RANBP9: variants seen among roughly 807,000 people sequenced by gnomAD.
RANBP9 encodes RAN binding protein 9.
In RANBP9, 15 loss-of-function variants were observed where a neutral mutation model predicts 84.3. The ratio of observed to expected loss-of-function variants is 0.18; its 90% CI spans 0.12 to 0.27. The LOEUF is 0.27. RANBP9 is among the 10% of genes least tolerant of loss of function. The pLI, the probability that RANBP9 is intolerant of heterozygous loss-of-function variation, is 1.00. For synonymous variants in RANBP9, 392 were observed against 349.6 expected (o/e 1.12, Z -1.35); for missense variants, 809 against 912.8 (o/e 0.89, Z 1.46).
At chr6:13,662,565 T>A (rs1765557471) in intron 2 of RANBP9, among the ~76,000 whole-genome samples, 1 of 152,088 alleles carries the variant, frequency 6.6e-6, no homozygotes, top group South Asian at 2.1e-4. Flanking sequence ...AGGAATGGGA[T>A]TTTTGCCCTA....
At chr6:13,685,722 G>C (rs1306674425) in intron 2 of RANBP9, among the ~76,000 whole-genome samples, 2 of 152,148 alleles carry the variant, frequency 1.3e-5, no homozygotes, top group Non-Finnish European at 2.9e-5. Flanking sequence ...GAGGTCAAGA[G>C]ATCGAGACCA....
At chr6:13,666,846 C>G (rs886869735) in intron 2 of RANBP9, among the ~76,000 whole-genome samples, 3 of 151,890 alleles carry the variant, frequency 2.0e-5, no homozygotes, top group Non-Finnish European at 4.4e-5. Flanking sequence ...AAGTTTATGC[C>G]TGGGAAATGG....
intron 2 of RANBP9, among the ~76,000 whole-genome samples, chr6:13,666,241 G>C (rs759236261): frequency 7.2e-5 from 11 of 151,974 alleles, no homozygotes; most frequent in Non-Finnish European, 1.5e-4. Context: ...CAAAGACTAA[G>C]ACGGATCAAC....
At chr6:13,661,737 C>T (rs1765542372) in intron 2 of RANBP9, among the ~76,000 whole-genome samples, 1 of 152,020 alleles carries the variant, frequency 6.6e-6, no homozygotes, top group African/African-American at 2.4e-5. Context: ...ACTGAAAATA[C>T]ACACTACATA....
chr6:13,688,850 T>C (rs1031371080), intron 2 of RANBP9, among the ~76,000 whole-genome samples: 1 of 151,570 alleles, frequency 6.6e-6, no homozygotes, highest in Non-Finnish European at 1.5e-5. Flanking sequence ...ATATCTTCCC[T>C]ACTCAAAAAG....
chr6:13,640,601 C>T (rs1301633634), intron 8 of RANBP9, among the ~76,000 whole-genome samples: 2 of 152,156 alleles, frequency 1.3e-5, no homozygotes, highest in Non-Finnish European at 2.9e-5. Context: ...AATTCTGATA[C>T]ATACTACAAT....
intron 1 of RANBP9, among the ~76,000 whole-genome samples, chr6:13,699,195 T>A (rs1285176666): frequency 1.3e-5 from 2 of 152,210 alleles, no homozygotes; most frequent in African/African-American, 4.8e-5. Flanking sequence ...CATGCATGAA[T>A]TAAAATCCCA....
At chr6:13,681,019 T>A (rs928350293) in intron 2 of RANBP9, among the ~76,000 whole-genome samples, 1 of 152,078 alleles carries the variant, frequency 6.6e-6, no homozygotes, top group African/African-American at 2.4e-5. Flanking sequence ...AAGATAACAG[T>A]ATAGTGTATG....
At chr6:13,646,067 A>G (rs1765169375) in intron 5 of RANBP9, among the ~76,000 whole-genome samples, 1 of 152,240 alleles carries the variant, frequency 6.6e-6, no homozygotes, top group African/African-American at 2.4e-5. Flanking sequence ...AACAGGTGAG[A>G]TAGTACAGCC....
chr6:13,622,119 C>A lies in RANBP9; in HGVS notation c.*243G>T. 2 of 268,122 alleles carry A rather than the reference C, an allele frequency of 7.5e-6. No individual in the cohort carries two copies. The highest frequency in any genetic ancestry group is 1.3e-5 in the Non-Finnish European group (2 of 149,056). The allele number at this position is 268,122 out of a possible 1,614,324, so 16.6% of individuals were successfully genotyped here. ...AAGGATTTGTGATGATCAATTTGAA[C>A]GTCTGAAATTCAGTAATATTTAACT... is the stretch of plus-strand genomic sequence containing the variant. On this transcript the variant is annotated 3_prime_UTR_variant, in exon 14 of 14. Coordinates refer to ENST00000011619, the MANE Select transcript of RANBP9 (RefSeq NM_005493.3).
At chr6:13,673,184 G>A (rs1243098627) in intron 2 of RANBP9, among the ~76,000 whole-genome samples, 1 of 152,066 alleles carries the variant, frequency 6.6e-6, no homozygotes, top group East Asian at 1.9e-4. Context: ...TATAAAAGAA[G>A]GGCAAGAATT....
At chr6:13,702,506 T>C (rs374688576) in intron 1 of RANBP9, among the ~76,000 whole-genome samples, 1 of 152,218 alleles carries the variant, frequency 6.6e-6, no homozygotes, top group South Asian at 2.1e-4. Context: ...TAATATAATA[T>C]AGTATTTTCA....
chr6:13,704,448 CAA>C (rs1025428020), intron 1 of RANBP9, among the ~76,000 whole-genome samples: 23 of 152,128 alleles, frequency 1.5e-4, no homozygotes, highest in African/African-American at 5.1e-4. Context: ...GGCAACATGG[CAA>C]AACCCCCTTC....
intron 6 of RANBP9, 109 bp downstream of exon 6, chr6:13,644,436 G>A (rs1765134336): frequency 1.7e-5 from 17 of 1,017,820 alleles, no homozygotes; most frequent in Non-Finnish European, 2.3e-5. Flanking sequence ...TAATAGATAT[G>A]TCAGTATATA....
chr6:13,656,614 A>G (rs1431253615), intron 4 of RANBP9, among the ~76,000 whole-genome samples: 1 of 152,082 alleles, frequency 6.6e-6, no homozygotes, highest in African/African-American at 2.4e-5. Flanking sequence ...GCTTCCTTCC[A>G]TAGAACAAAC....
At chr6:13,648,154 T>G (rs973194873) in intron 5 of RANBP9, among the ~76,000 whole-genome samples, 2 of 140,478 alleles carry the variant, frequency 1.4e-5, no homozygotes, top group African/African-American at 5.3e-5. Flanking sequence ...TTTTTTTTTT[T>G]TTTTTTTTTT....
At chr6:13,625,594 C>T in intron 13 of RANBP9, 59 bp downstream of exon 13, 1 of 1,227,746 alleles carries the variant, frequency 8.1e-7, no homozygotes. Context: ...AGTACAAACA[C>T]CCTCTCTTAA....
intron 2 of RANBP9, among the ~76,000 whole-genome samples, chr6:13,668,824 CA>C (rs956253760): frequency 1.3e-5 from 2 of 151,362 alleles, no homozygotes; most frequent in Non-Finnish European, 2.9e-5. Flanking sequence ...AGATTAGGGA[CA>C]AAAAAAAGGA....
At chr6:13,657,785 T>C (rs1765436708) in intron 3 of RANBP9, among the ~76,000 whole-genome samples, 1 of 152,194 alleles carries the variant, frequency 6.6e-6, no homozygotes, top group African/African-American at 2.4e-5. Context: ...CAGTTACTTC[T>C]ATAAGGAGTT....
Sources: gnomAD v4.1 joint callset for allele counts (sites outside exome capture counted in the v4.1 genomes callset) on GRCh38, gnomAD v4.1.1 for gene constraint, MANE v1.5 for transcripts, NCBI Gene and HGNC (gene_info 2026-07-23, HGNC 2026-07-21) for gene names.